The following GRM7 variants were observed in gnomAD, a reference collection of about 807,000 sequenced individuals.
The protein encoded by GRM7 is metabotropic glutamate receptor 7.
A neutral mutation model predicts 84.5 loss-of-function variants in GRM7; 35 were observed. The ratio of observed to expected loss-of-function variants is 0.41; its 90% CI spans 0.32 to 0.55. The LOEUF (loss-of-function observed/expected upper bound fraction) is 0.55. Ranked by LOEUF, GRM7 falls within the 20% of genes least tolerant of loss-of-function variation. The pLI is 0.19. For synonymous variants in GRM7, 487 were observed against 455.1 expected (o/e 1.07, Z -0.89); for missense variants, 1,003 against 1,194.6 (o/e 0.84, Z 2.36).
intron 4 of GRM7, among the ~76,000 whole-genome samples, chr3:7,369,075 A>C (rs1053560483): frequency 6.6e-6 from 1 of 151,940 alleles, no homozygotes; most frequent in Admixed American, 6.6e-5. Context: ...TATCTTTTTT[A>C]AGAGGCAGGG....
At chr3:7,704,309 A>T (rs1029959756) in intron 9 of GRM7, among the ~76,000 whole-genome samples, 1 of 152,226 alleles carries the variant, frequency 6.6e-6, no homozygotes, top group African/African-American at 2.4e-5. Context: ...GCTATTTCAC[A>T]TCAATTTATA....
intron 9 of GRM7, among the ~76,000 whole-genome samples, chr3:7,693,389 C>G (rs775798020): frequency 1.3e-5 from 2 of 152,056 alleles, no homozygotes; most frequent in Non-Finnish European, 2.9e-5. Context: ...TCACCTGCTC[C>G]TCTCTCTGCT....
At chr3:7,667,118 A>C (rs1053352237) in intron 8 of GRM7, among the ~76,000 whole-genome samples, 7 of 152,096 alleles carry the variant, frequency 4.6e-5, no homozygotes, top group Non-Finnish European at 1.0e-4. Context: ...CAAACAAAAA[A>C]AATAGCCAGA....
chr3:7,238,990 TTTTTTCC>T lies in GRM7; in HGVS notation c.737-59687_737-59681del, dbSNP rs375943651. On this transcript the variant is annotated intron_variant, in intron 2 of 9. Transcript: ENST00000357716. ...TTATTATTCTTTTCCCTTTCTTTTC[TTTTTTCC>T]TTTTTCTTTTTTTTGACATGGTCTC... Among the ~76,000 whole-genome samples the T allele has an allele frequency of 2.9e-3, 286 of 100,152 alleles. 7 individuals carry two copies. Among genetic ancestry groups the T allele is most frequent in the African/African-American group, 8.9e-3 (251 of 28,190 alleles). 65.7% of individuals were successfully genotyped at this position (100,152 alleles called of 152,430 possible).
In GRM7 at chr3:7,259,682, A is replaced by G. The variant is rs536901513; in HGVS notation, c.737-39002A>G. ...ATGTACAACAGTTTCTTTATTCAGT[A>G]TACCATCATTGGGCATATAAGTTGA... is the stretch of plus-strand genomic sequence containing the variant. On this transcript the variant is annotated intron_variant, in intron 2 of 9. Transcript: ENST00000357716. Among the ~76,000 whole-genome samples the G allele has an allele frequency of 1.8e-4, 28 of 152,314 alleles. No individual in the cohort carries two copies. In the East Asian group the frequency reaches 5.4e-3, roughly 29 times the overall value.
At chr3:7,595,431 C>G (rs1037087000) in intron 8 of GRM7, among the ~76,000 whole-genome samples, 1 of 152,144 alleles carries the variant, frequency 6.6e-6, no homozygotes, top group Non-Finnish European at 1.5e-5. Flanking sequence ...TTTGTCAAAT[C>G]CTTGTTGAAC....
intron 7 of GRM7, among the ~76,000 whole-genome samples, chr3:7,506,445 T>C (rs1295859281): frequency 6.6e-6 from 1 of 152,200 alleles, no homozygotes; most frequent in Non-Finnish European, 1.5e-5. Context: ...TCTTCCAGCT[T>C]CTGCCCATTA....
At chr3:7,478,059 A>T (rs1339780141) in intron 7 of GRM7, among the ~76,000 whole-genome samples, 2 of 152,022 alleles carry the variant, frequency 1.3e-5, no homozygotes, top group South Asian at 2.1e-4. Context: ...AAGCTCCAAT[A>T]ATGACCCTTC....
intron 1 of GRM7, among the ~76,000 whole-genome samples, chr3:7,041,933 A>G (rs1369299409): frequency 6.6e-6 from 1 of 152,180 alleles, no homozygotes; most frequent in East Asian, 1.9e-4. Flanking sequence ...TCTTGCTTAC[A>G]TAATGAAGCT....
At chr3:7,705,674 T>C (rs563273566) in intron 9 of GRM7, among the ~76,000 whole-genome samples, 1 of 152,200 alleles carries the variant, frequency 6.6e-6, no homozygotes, top group Middle Eastern at 3.4e-3. Context: ...TTTGGGAGTA[T>C]GGTAAATGTA....
intron 2 of GRM7, among the ~76,000 whole-genome samples, chr3:7,295,642 C>T (rs1699787590): frequency 6.6e-6 from 1 of 152,154 alleles, no homozygotes; most frequent in South Asian, 2.1e-4. Context: ...GTTTTCAGCA[C>T]ACAGACCTTG....
chr3:7,579,937 T>A (rs956716043), intron 8 of GRM7, among the ~76,000 whole-genome samples: 6 of 152,222 alleles, frequency 3.9e-5, no homozygotes, highest in Non-Finnish European at 7.3e-5. Flanking sequence ...ATAGGCTCCC[T>A]ACAACTAGAT....
In GRM7 at chr3:7,741,370, G is replaced by GT. The variant is rs1702692085; in HGVS notation, c.*970dup. 1 of 152,420 alleles carries GT rather than the reference G, an allele frequency of 6.6e-6. No homozygotes were observed. Among genetic ancestry groups the GT allele is most frequent in the South Asian group, 2.1e-4 (1 of 4,816 alleles). The allele number at this position is 152,420 out of a possible 1,614,324, so 9.4% of individuals were successfully genotyped here. ...GGACTTTAGGAAAAAAAGCATGTAT[G>GT]TTTTTTACTGTTTGTAATAAGTACT... is the stretch of plus-strand genomic sequence containing the variant. On this transcript the variant is annotated 3_prime_UTR_variant, in exon 10 of 10. Transcript: ENST00000357716.
chr3:7,395,310 G>A (rs1056212057), intron 4 of GRM7, among the ~76,000 whole-genome samples: 3 of 152,044 alleles, frequency 2.0e-5, no homozygotes, highest in Non-Finnish European at 4.4e-5. Flanking sequence ...ACATTCACAT[G>A]TATCTATGAT....
At chr3:7,080,629 C>T (rs1214557363) in intron 1 of GRM7, among the ~76,000 whole-genome samples, 1 of 151,834 alleles carries the variant, frequency 6.6e-6, no homozygotes, top group Non-Finnish European at 1.5e-5. Flanking sequence ...CACAAGTAGA[C>T]ATATATGTAT....
chr3:7,415,000 C>T (rs746655834), intron 4 of GRM7, 23 bp from the exon 5 acceptor site: 1 of 1,593,200 alleles, frequency 6.3e-7, no homozygotes, highest in Non-Finnish European at 8.6e-7. Flanking sequence ...CAAGCAATGA[C>T]CTTTTCATTT....
intron 8 of GRM7, among the ~76,000 whole-genome samples, chr3:7,586,973 G>A (rs1695548533): frequency 1.3e-5 from 2 of 152,138 alleles, no homozygotes; most frequent in South Asian, 4.1e-4. Context: ...TAAGTTGTTG[G>A]CTGTGAATAA....
intron 1 of GRM7, chr3:6,893,009 G>C (rs1696028200): frequency 1.3e-5 from 2 of 152,278 alleles, no homozygotes; most frequent in South Asian, 4.2e-4. Flanking sequence ...TGATGATGAT[G>C]ATGATGACGA....
chr3:7,481,652 CCTCAGT>C (rs1699133565), intron 7 of GRM7, among the ~76,000 whole-genome samples: 1 of 152,058 alleles, frequency 6.6e-6, no homozygotes, highest in Non-Finnish European at 1.5e-5. Flanking sequence ...GTGGCCAAGC[CCTCAGT>C]ACATTTTATG....
Sources: gnomAD v4.1 joint callset for allele counts (sites outside exome capture counted in the v4.1 genomes callset) on GRCh38, gnomAD v4.1.1 for gene constraint, MANE v1.5 for transcripts, NCBI Gene and HGNC (gene_info 2026-07-23, HGNC 2026-07-21) for gene names.